Variants in GRIK1 observed in about 807,000 individuals in gnomAD.
GRIK1 encodes the protein glutamate receptor ionotropic, kainate 1.
A neutral mutation model predicts 105.7 loss-of-function variants in GRIK1; 69 were observed. The ratio of observed to expected loss-of-function variants is 0.65; its 90% CI spans 0.54 to 0.80. The LOEUF is 0.80. GRIK1 is among the 30% of genes least tolerant of loss of function. The pLI is 0.00. For synonymous variants in GRIK1, 438 were observed against 431.3 expected (o/e 1.02, Z -0.19); for missense variants, 1,109 against 1,167.3 (o/e 0.95, Z 0.73).
chr21:29,744,562 GT>G lies in GRIK1; in HGVS notation c.119-50500del, dbSNP rs79652093. Among the ~76,000 whole-genome samples, 732 of 140,206 alleles carry G rather than the reference GT, an allele frequency of 5.2e-3. 5 individuals are homozygous for G. The highest frequency in any genetic ancestry group is 0.012 in the African/African-American group (472 of 38,640). 92.0% of individuals were successfully genotyped at this position (140,206 alleles called of 152,430 possible). A position where few individuals can be genotyped will look rare whatever the true frequency, so the allele number is the denominator to read the frequency against. On this transcript the variant is annotated intron_variant, in intron 1 of 17. Transcript: ENST00000327783. ...GGCACTACTGCTCTCTCTCAGCTAG[GT>G]TTTTTTTTTTTTTTCCTCCCTGGAA... is the stretch of plus-strand genomic sequence containing the variant.
intron 1 of GRIK1, among the ~76,000 whole-genome samples, chr21:29,731,029 G>T (rs1403152568): frequency 6.6e-6 from 1 of 152,024 alleles, no homozygotes; most frequent in Non-Finnish European, 1.5e-5. Context: ...GAAGAAAAAT[G>T]GGTTCCCCTT....
rs933682485 is a variant in GRIK1 at position 29,930,674 on chromosome 21, T to A, written c.118+8709A>T. Among the ~76,000 whole-genome samples, 5 of 152,330 alleles carry A rather than the reference T, an allele frequency of 3.3e-5. No homozygotes were observed. The South Asian group carries it at 1.0e-3, about 32-fold the overall frequency. ...TATTTAAGTACAAAAAGTATAATAG[T>A]TGAAGACCAAGATGCTAATGGATAG... On this transcript the variant is annotated intron_variant, in intron 1 of 17. Transcript: ENST00000327783.
intron 1 of GRIK1, among the ~76,000 whole-genome samples, chr21:29,855,848 C>T (rs2068446571): frequency 6.6e-6 from 1 of 151,960 alleles, no homozygotes. Flanking sequence ...GATTTTCTGA[C>T]AGATGAAATG....
At chr21:29,808,945 G>A (rs1252242763) in intron 1 of GRIK1, among the ~76,000 whole-genome samples, 4 of 152,124 alleles carry the variant, frequency 2.6e-5, no homozygotes, top group African/African-American at 9.7e-5. Flanking sequence ...ATTGGCTAAG[G>A]ATTGCATTCT....
At chr21:29,621,406 GTGTGT>G (rs2061999486) in intron 7 of GRIK1, among the ~76,000 whole-genome samples, 1 of 152,004 alleles carries the variant, frequency 6.6e-6, no homozygotes, top group African/African-American at 2.4e-5. Context: ...GTGTGTGTGT[GTGTGT>G]GGGGAAGACG....
chr21:29,559,641 A>G (rs2090343737), intron 15 of GRIK1, among the ~76,000 whole-genome samples: 1 of 152,262 alleles, frequency 6.6e-6, no homozygotes, highest in Admixed American at 6.5e-5. Flanking sequence ...GGTAGTTAGC[A>G]GGAAGTCACA....
chr21:29,796,002 T>C (rs974093818), intron 1 of GRIK1, among the ~76,000 whole-genome samples: 1 of 152,192 alleles, frequency 6.6e-6, no homozygotes, highest in African/African-American at 2.4e-5. Context: ...TTGTACATTA[T>C]CACCCTTAAG....
chr21:29,822,188 G>A (rs928572608), intron 1 of GRIK1, among the ~76,000 whole-genome samples: 2 of 151,994 alleles, frequency 1.3e-5, no homozygotes, highest in Non-Finnish European at 2.9e-5. Flanking sequence ...AGTCACTAAT[G>A]CAACCATTCC....
chr21:29,645,354 CTT>C (rs2062596384), intron 6 of GRIK1, among the ~76,000 whole-genome samples: 1 of 152,120 alleles, frequency 6.6e-6, no homozygotes, highest in Non-Finnish European at 1.5e-5. Flanking sequence ...ATAGGATATA[CTT>C]TTTTGAAAAT....
At chr21:29,627,158 G>A (rs1218939812) in intron 7 of GRIK1, among the ~76,000 whole-genome samples, 1 of 152,062 alleles carries the variant, frequency 6.6e-6, no homozygotes, top group Non-Finnish European at 1.5e-5. Flanking sequence ...TATTTGTATT[G>A]CAAACATTTA....
intron 1 of GRIK1, among the ~76,000 whole-genome samples, chr21:29,809,901 G>T (rs1415169490): frequency 1.3e-5 from 2 of 152,132 alleles, no homozygotes; most frequent in African/African-American, 2.4e-5. Flanking sequence ...AGAAATGGAG[G>T]AACAGCCGGT....
intron 1 of GRIK1, among the ~76,000 whole-genome samples, chr21:29,774,129 C>CTGCAGAGAATTATAATATCCT (rs1484794879): frequency 6.6e-6 from 1 of 152,134 alleles, no homozygotes; most frequent in Non-Finnish European, 1.5e-5. Flanking sequence ...ATTTCTTATT[C>CTGCAGAGAATTATAATATCCT]TGCAGAGAAT....
chr21:29,930,857 T>C (rs1031160119), intron 1 of GRIK1, among the ~76,000 whole-genome samples: 5 of 152,214 alleles, frequency 3.3e-5, no homozygotes, highest in African/African-American at 1.2e-4. Context: ...AAACCCTCCA[T>C]GTAGCATGTT....
chr21:29,868,121 G>C (rs1025495487), intron 1 of GRIK1, among the ~76,000 whole-genome samples: 2 of 151,898 alleles, frequency 1.3e-5, no homozygotes, highest in Non-Finnish European at 1.5e-5. Context: ...GAAGGTATGG[G>C]AAAAGGCATC....
At chr21:29,714,841 TG>T (rs1349539251) in intron 1 of GRIK1, among the ~76,000 whole-genome samples, 3 of 152,306 alleles carry the variant, frequency 2.0e-5, no homozygotes, top group Non-Finnish European at 4.4e-5. Context: ...ACTTACTAAA[TG>T]GGGATGATAA....
At chr21:29,551,746 A>G (rs73897698) in intron 16 of GRIK1, among the ~76,000 whole-genome samples, 103 of 152,284 alleles carry the variant, frequency 6.8e-4, no homozygotes, top group Middle Eastern at 3.4e-3. Context: ...TTGATTGTCA[A>G]TACTTCATCA....
intron 14 of GRIK1, 102 bp from the exon 15 acceptor site, chr21:29,561,951 C>G: frequency 1.4e-6 from 1 of 696,210 alleles, no homozygotes; most frequent in Non-Finnish European, 2.6e-6. Context: ...AGGGAGGATA[C>G]TTTCTCCACA....
At chr21:29,770,283 C>A (rs1461789900) in intron 1 of GRIK1, among the ~76,000 whole-genome samples, 3 of 152,180 alleles carry the variant, frequency 2.0e-5, no homozygotes, top group Admixed American at 2.0e-4. Flanking sequence ...TGCCTGAAGG[C>A]CCTATATGTT....
chr21:29,690,145 G>C (rs1310525465), intron 2 of GRIK1, among the ~76,000 whole-genome samples, 160 bp from the exon 3 acceptor site: 1 of 152,104 alleles, frequency 6.6e-6, no homozygotes, highest in Non-Finnish European at 1.5e-5. Flanking sequence ...GAGGAAATAC[G>C]GTTGGTCCAA....
Sources: gnomAD v4.1 joint callset for allele counts (sites outside exome capture counted in the v4.1 genomes callset) on GRCh38, gnomAD v4.1.1 for gene constraint, MANE v1.5 for transcripts, NCBI Gene and HGNC (gene_info 2026-07-23, HGNC 2026-07-21) for gene names.